IL1RAPL1: variants seen among roughly 807,000 people sequenced by gnomAD.
The protein encoded by IL1RAPL1 is interleukin 1 receptor accessory protein like 1.
Under a neutral mutation model 48.4 loss-of-function variants are expected in IL1RAPL1, and 3 were observed. The ratio of observed to expected loss-of-function variants is 0.06; its 90% CI spans 0.03 to 0.16. The LOEUF is 0.16. Ranked by LOEUF, IL1RAPL1 falls within the 10% of genes least tolerant of loss-of-function variation. The probability of loss-of-function intolerance (pLI) is 1.00; values close to 1 mark genes in which losing one functional copy is unlikely to be tolerated. For missense variants in IL1RAPL1, 349 were observed against 530.6 expected (o/e 0.66, Z 3.36); for synonymous variants, 185 against 187.7 (o/e 0.99, Z 0.12).
At chrX:29,431,076 G>A (rs762351569) in intron 5 of IL1RAPL1, among the ~76,000 whole-genome samples, 4 of 111,428 alleles carry the variant, frequency 3.6e-5, no homozygotes, top group African/African-American at 1.3e-4. Context: ...ATTATGATGC[G>A]GTCTACAATA....
At chrX:29,230,158 A>C (rs894286807) in intron 2 of IL1RAPL1, among the ~76,000 whole-genome samples, 22 of 111,371 alleles carry the variant, frequency 2.0e-4, no homozygotes, top group Non-Finnish European at 3.6e-4. Flanking sequence ...CCTTCATTTC[A>C]AATAAAGACA....
intron 2 of IL1RAPL1, among the ~76,000 whole-genome samples, chrX:29,191,656 T>G (rs1015013171): frequency 7.2e-5 from 8 of 111,375 alleles, no homozygotes; most frequent in Non-Finnish European, 1.5e-4. Flanking sequence ...GGAAAAGAAA[T>G]AAAGGGGGCA....
intron 5 of IL1RAPL1, among the ~76,000 whole-genome samples, chrX:29,646,116 T>C (rs983015637): frequency 2.7e-5 from 3 of 111,976 alleles, no homozygotes; most frequent in Non-Finnish European, 5.6e-5. Context: ...GATGGAGATA[T>C]ATGAACTACA....
intron 2 of IL1RAPL1, among the ~76,000 whole-genome samples, chrX:28,929,439 G>A (rs770449589): frequency 9.0e-5 from 10 of 111,469 alleles, no homozygotes; most frequent in Non-Finnish European, 1.9e-4. Context: ...ATTCCTTACT[G>A]AAGTCACCAG....
At chrX:28,966,448 A>T (rs1465758671) in intron 2 of IL1RAPL1, among the ~76,000 whole-genome samples, 2 of 111,591 alleles carry the variant, frequency 1.8e-5, no homozygotes, top group East Asian at 2.8e-4. Context: ...TTATTTCTTG[A>T]CCAACTCATG....
At chrX:29,456,441 G>A (rs1379258967) in intron 5 of IL1RAPL1, among the ~76,000 whole-genome samples, 1 of 111,810 alleles carries the variant, frequency 8.9e-6, no homozygotes, top group East Asian at 2.8e-4. Flanking sequence ...TAAGACTTTT[G>A]TTGAAAGGAA....
intron 2 of IL1RAPL1, among the ~76,000 whole-genome samples, chrX:28,998,220 G>A (rs1159344812): frequency 9.0e-6 from 1 of 110,651 alleles, no homozygotes; most frequent in Non-Finnish European, 1.9e-5. Context: ...TCACCTCTGA[G>A]TGGGCCTTTT....
chrX:29,068,139 A>G (rs1204918121), intron 2 of IL1RAPL1, among the ~76,000 whole-genome samples: 2 of 112,492 alleles, frequency 1.8e-5, no homozygotes, highest in East Asian at 2.8e-4. Context: ...AAATTAAGCA[A>G]TGAAACTATT....
chrX:28,726,960 A>T (rs1194701053), intron 1 of IL1RAPL1, among the ~76,000 whole-genome samples: 2 of 112,138 alleles, frequency 1.8e-5, no homozygotes, highest in African/African-American at 6.5e-5. Context: ...ATGTAATCAG[A>T]AGACTTATAT....
chrX:28,984,856 A>T (rs1049176188), intron 2 of IL1RAPL1, among the ~76,000 whole-genome samples: 1 of 112,002 alleles, frequency 8.9e-6, no homozygotes, highest in African/African-American at 3.2e-5. Context: ...TCCTCTAGGC[A>T]AGATTATTTC....
chrX:29,020,943 G>A (rs780476709), intron 2 of IL1RAPL1, among the ~76,000 whole-genome samples: 1 of 110,811 alleles, frequency 9.0e-6, no homozygotes, highest in African/African-American at 3.3e-5. Context: ...TAGGTATGAC[G>A]GGCCAGGTGC....
chrX:29,626,513 G>T (rs1924619284), intron 5 of IL1RAPL1, among the ~76,000 whole-genome samples: 1 of 112,210 alleles, frequency 8.9e-6, no homozygotes, highest in African/African-American at 3.2e-5. Flanking sequence ...GGATTTTAAA[G>T]TTGGAACTAG....
chrX:29,408,921 G>A (rs1411088605), intron 5 of IL1RAPL1, among the ~76,000 whole-genome samples: 2 of 111,888 alleles, frequency 1.8e-5, no homozygotes, highest in East Asian at 2.8e-4. Context: ...TCTGCTGATC[G>A]CTATGAGAGA....
chrX:28,970,018 A>AACACATATATATGTAT (rs1408510226), intron 2 of IL1RAPL1, among the ~76,000 whole-genome samples: 1 of 96,530 alleles, frequency 1.0e-5, no homozygotes, highest in Non-Finnish European at 2.1e-5. Context: ...TATATATATA[A>AACACATATATATGTAT]AGATAAAGTT....
At chrX:29,517,068 ACT>A (rs1935453368) in intron 5 of IL1RAPL1, among the ~76,000 whole-genome samples, 3 of 110,377 alleles carry the variant, frequency 2.7e-5, no homozygotes, top group Non-Finnish European at 5.7e-5. Flanking sequence ...TTATCTTTTT[ACT>A]CTCTTTATGG....
At chrX:28,814,102 C>T (rs1182646663) in intron 2 of IL1RAPL1, among the ~76,000 whole-genome samples, 1 of 110,522 alleles carries the variant, frequency 9.0e-6, no homozygotes, top group African/African-American at 3.3e-5. Context: ...ATTGCTCCTC[C>T]TAATGAGTTA....
At chrX:29,686,457 G>A (rs1163787161) in intron 6 of IL1RAPL1, among the ~76,000 whole-genome samples, 1 of 110,426 alleles carries the variant, frequency 9.1e-6, no homozygotes, top group Non-Finnish European at 1.9e-5. Flanking sequence ...GAATGGACAT[G>A]ATAAATACCT....
rs767414857 is a variant in IL1RAPL1 at position 28,896,605 on chromosome X, G to A, written c.82+107180G>A. Reference sequence around the variant, plus strand: ...GCTGGACCGGGTGTCAGGAGGGGAGGTGATAAAAGGATTATAGGGTTGGGG... The same window carrying A: ...GCTGGACCGGGTGTCAGGAGGGGAGATGATAAAAGGATTATAGGGTTGGGG... On this transcript the variant is annotated intron_variant, in intron 2 of 10. Coordinates refer to ENST00000378993, the MANE Select transcript of IL1RAPL1 (RefSeq NM_014271.4). Among the ~76,000 whole-genome samples the A allele has an allele frequency of 1.6e-4, 18 of 111,262 alleles. No homozygotes were observed. The South Asian group carries it at 6.9e-3, about 43-fold the overall frequency.
chrX:28,901,087 G>A (rs1425068452), intron 2 of IL1RAPL1, among the ~76,000 whole-genome samples: 1 of 111,503 alleles, frequency 9.0e-6, no homozygotes, highest in African/African-American at 3.3e-5. Context: ...GAATTATAGC[G>A]AGTAACAAAA....
Sources: allele counts gnomAD v4.1 joint callset (sites outside exome capture counted in the v4.1 genomes callset), GRCh38; gene constraint gnomAD v4.1.1; transcripts MANE v1.5; gene names NCBI Gene and HGNC (gene_info 2026-07-23, HGNC 2026-07-21).